RNF17: variants seen among roughly 807,000 people sequenced by gnomAD.
RNF17 encodes spermatogenesis associated 23.
In RNF17, 31 loss-of-function variants were observed where a neutral mutation model predicts 200.5. The ratio of observed to expected loss-of-function variants is 0.15; its 90% CI spans 0.12 to 0.21. RNF17 has a LOEUF of 0.21. Ranked by LOEUF, RNF17 falls within the 10% of genes least tolerant of loss-of-function variation. The pLI is 1.00. For synonymous variants in RNF17, 606 were observed against 637.8 expected, an observed-to-expected ratio of 0.95 and a Z score of 0.75; for missense variants, 1,628 against 1,905.1, an observed-to-expected ratio of 0.85 and a Z score of 2.71.
chr13:24,796,360 C>A, intron 11 of RNF17, 65 bp downstream of exon 11: 2 of 1,089,918 alleles, frequency 1.8e-6, no homozygotes, highest in Non-Finnish European at 2.5e-6. Context: ...ACTTGGCCAA[C>A]CCACATAAGA....
At chr13:24,776,350 T>C (rs186377824) in intron 3 of RNF17, among the ~76,000 whole-genome samples, 1 of 152,338 alleles carries the variant, frequency 6.6e-6, no homozygotes, top group East Asian at 1.9e-4. Flanking sequence ...GCACTTCACA[T>C]TACCACCGTA....
At chr13:24,775,356 C>A (rs545856668) in intron 3 of RNF17, among the ~76,000 whole-genome samples, 1 of 152,270 alleles carries the variant, frequency 6.6e-6, no homozygotes, top group South Asian at 2.1e-4. Context: ...CTCAAGCTAG[C>A]CTCTCACCTC....
chr13:24,798,890 A>T lies in RNF17; in HGVS notation c.1400-505A>T, dbSNP rs9507412. Among the ~76,000 whole-genome samples the T allele has an allele frequency of 5.9e-5, 9 of 152,058 alleles. No individual in the cohort carries two copies. The East Asian group carries it at 1.2e-3, about 20-fold the overall frequency. On this transcript the variant is annotated intron_variant, in intron 11 of 35. Coordinates refer to ENST00000255324, the MANE Select transcript of RNF17 (RefSeq NM_031277.3). ...CTTCTCTGAAAACCACTGGGTGCCAATAATTTTGGCATTTCACAGGCTACC... is the reference window on the plus strand; with the variant it reads ...CTTCTCTGAAAACCACTGGGTGCCATTAATTTTGGCATTTCACAGGCTACC...
chr13:24,816,922 G>A (rs1887478130), intron 15 of RNF17, among the ~76,000 whole-genome samples: 1 of 149,062 alleles, frequency 6.7e-6, no homozygotes. Flanking sequence ...ACCTCCTCTA[G>A]AGCCTTGTCG....
chr13:24,861,467 TA>T, intron 27 of RNF17, 80 bp downstream of exon 27: 1 of 1,028,090 alleles, frequency 9.7e-7, no homozygotes, highest in Non-Finnish European at 1.3e-6. Flanking sequence ...ATTTAGAATG[TA>T]AAATGAAATT....
At chr13:24,835,568 G>A (rs1225336475) in intron 18 of RNF17, among the ~76,000 whole-genome samples, 1 of 152,110 alleles carries the variant, frequency 6.6e-6, no homozygotes, top group Non-Finnish European at 1.5e-5. Flanking sequence ...CCCAGAAAGA[G>A]ACAACAATCA....
At chr13:24,854,165 T>TAAC in intron 25 of RNF17, 21 bp downstream of exon 25, 1 of 1,570,162 alleles carries the variant, frequency 6.4e-7, no homozygotes. Flanking sequence ...CTATGTTATG[T>TAAC]AGGCTCTAGT....
chr13:24,796,306 A>G lies in RNF17; in HGVS notation c.1399+11A>G, dbSNP rs755522141. On this transcript the variant is annotated intron_variant, in intron 11 of 35. Coordinates refer to ENST00000255324, the MANE Select transcript of RNF17 (RefSeq NM_031277.3). ...ACATTTTGGAACTAGGTAATGAAAT[A>G]TTAGTCCAAGTTAAAATATCAAATT... is the stretch of plus-strand genomic sequence containing the variant. The G allele has an allele frequency of 1.3e-6, 2 of 1,557,662 alleles. No individual in the cohort carries two copies. Among genetic ancestry groups the G allele is most frequent in the Non-Finnish European group, 1.7e-6 (2 of 1,150,308 alleles).
rs147865567 is a variant in RNF17, at chr13:24,793,487, T to G, written c.1240+141T>G. 2.1e-5 allele frequency: 16 copies of G among 750,300 alleles called. No homozygotes were observed. In the African/African-American group the frequency reaches 2.5e-4, roughly 12 times the overall value. 46.5% of individuals were successfully genotyped at this position (750,300 alleles called of 1,614,324 possible). ...CTCATTATGAGTTAAAACCTGTTCA[T>G]TCCATGCCCCTACTCTCACATTTTC... On this transcript the variant is annotated intron_variant, in intron 10 of 35. Coordinates refer to ENST00000255324, the MANE Select transcript of RNF17 (RefSeq NM_031277.3).
intron 30 of RNF17, among the ~76,000 whole-genome samples, chr13:24,867,063 A>T (rs983449200): frequency 5.3e-5 from 8 of 152,192 alleles, no homozygotes; most frequent in East Asian, 1.9e-4. Flanking sequence ...ATATATATAT[A>T]TTTTGAGAAA....
chr13:24,870,197 G>A (rs972948124), intron 31 of RNF17, among the ~76,000 whole-genome samples: 23 of 152,036 alleles, frequency 1.5e-4, no homozygotes, highest in Admixed American at 9.8e-4. Flanking sequence ...TCACCCTGCC[G>A]CGGCCTCCAA....
chr13:24,836,281 A>T (rs1889991764), intron 18 of RNF17, among the ~76,000 whole-genome samples: 1 of 152,202 alleles, frequency 6.6e-6, no homozygotes, highest in African/African-American at 2.4e-5. Flanking sequence ...AGCTTGGAAA[A>T]TGTATTTGGG....
At chr13:24,781,531 G>C (rs1882372724) in intron 5 of RNF17, among the ~76,000 whole-genome samples, 1 of 152,094 alleles carries the variant, frequency 6.6e-6, no homozygotes, top group Admixed American at 6.5e-5. Flanking sequence ...TGCTACTCAG[G>C]AGGCCAAGGC....
intron 1 of RNF17, among the ~76,000 whole-genome samples, chr13:24,766,051 A>C (rs1879636435): frequency 6.6e-6 from 1 of 152,170 alleles, no homozygotes; most frequent in South Asian, 2.1e-4. Context: ...AACATGGTGA[A>C]ATCCCATCTC....
upstream of RNF17, chr13:24,764,092 C>A: frequency 9.5e-7 from 1 of 1,056,552 alleles, no homozygotes; most frequent in Non-Finnish European, 1.4e-6. Context: ...GGGCTTTAAT[C>A]TCCCGGCCCA....
At chr13:24,779,331 A>T (rs1056551369) in intron 4 of RNF17, among the ~76,000 whole-genome samples, 30 of 152,186 alleles carry the variant, frequency 2.0e-4, no homozygotes, top group African/African-American at 6.8e-4. Context: ...AGAACTGTTT[A>T]TAATTTTTAT....
intron 25 of RNF17, among the ~76,000 whole-genome samples, chr13:24,856,767 A>G (rs534040822): frequency 4.0e-4 from 61 of 152,324 alleles, no homozygotes; most frequent in African/African-American, 1.3e-3. Flanking sequence ...GATAGCCTAT[A>G]CTACTTTTAG....
chr13:24,809,944 A>T (rs1886387584), intron 15 of RNF17, among the ~76,000 whole-genome samples: 1 of 151,812 alleles, frequency 6.6e-6, no homozygotes, highest in Admixed American at 6.6e-5. Context: ...CATGTAGTTG[A>T]GCGGTTTTGA....
At position 24,849,516 on chromosome 13, in the gene RNF17, C is replaced by A. The variant is rs116888025; in HGVS notation, c.3102-825C>A. ...ATTTTATGTGTGGCCCAAAATAATT[C>A]TTCCAGTGTGGCCCAGGGAAGCCAA... On this transcript the variant is annotated intron_variant, in intron 22 of 35. Transcript: ENST00000255324. 5.9e-5 allele frequency among the ~76,000 whole-genome samples: 9 copies of A among 152,314 alleles called. No homozygotes were observed. The East Asian group carries it at 1.7e-3, about 29-fold the overall frequency.
Sources: allele counts gnomAD v4.1 joint callset (sites outside exome capture counted in the v4.1 genomes callset), GRCh38; gene constraint gnomAD v4.1.1; transcripts MANE v1.5; gene names NCBI Gene and HGNC (gene_info 2026-07-23, HGNC 2026-07-21).